The following ESRRG variants were observed in gnomAD, a reference collection of about 807,000 sequenced individuals.
The protein encoded by ESRRG is estrogen related receptor gamma.
In ESRRG, 13 loss-of-function variants were observed where a neutral mutation model predicts 44.0. That is an observed-to-expected ratio of 0.30 (90% confidence interval 0.19 to 0.47). The LOEUF (loss-of-function observed/expected upper bound fraction) is 0.47. ESRRG is among the 20% of genes least tolerant of loss of function. ESRRG has a pLI of 1.00. For missense variants in ESRRG, 395 were observed against 580.6 expected (o/e 0.68, Z 3.29); for synonymous variants, 215 against 214.6 (o/e 1.00, Z -0.02).
chr1:216,561,957 T>C (rs547651103), intron 5 of ESRRG, among the ~76,000 whole-genome samples: 1 of 152,314 alleles, frequency 6.6e-6, no homozygotes, highest in East Asian at 1.9e-4. Context: ...ATGGTGTTAC[T>C]CATAGTTATT....
intron 2 of ESRRG, among the ~76,000 whole-genome samples, chr1:216,754,141 G>T (rs1307490293): frequency 6.6e-6 from 1 of 151,954 alleles, no homozygotes; most frequent in Admixed American, 6.6e-5. Context: ...AAAAGAGATG[G>T]AGGAAAAACA....
chr1:216,913,294 T>C (rs1225578196), intron 2 of ESRRG, among the ~76,000 whole-genome samples: 1 of 151,752 alleles, frequency 6.6e-6, no homozygotes. Context: ...AGAGACGATT[T>C]AAAGTATATG....
chr1:216,862,396 TG>T (rs1351382037), intron 2 of ESRRG: 4 of 152,246 alleles, frequency 2.6e-5, no homozygotes, highest in African/African-American at 9.6e-5. Flanking sequence ...AGCTAATTTT[TG>T]TATTTTTAGT....
chr1:217,109,143 C>T (rs1035910019), intron 1 of ESRRG, among the ~76,000 whole-genome samples: 1 of 152,014 alleles, frequency 6.6e-6, no homozygotes, highest in Non-Finnish European at 1.5e-5. Flanking sequence ...TGTATGAGAG[C>T]AAAGTATCAG....
intron 1 of ESRRG, among the ~76,000 whole-genome samples, chr1:216,702,867 C>A (rs749922092): frequency 2.0e-5 from 3 of 150,672 alleles, no homozygotes; most frequent in Non-Finnish European, 3.0e-5. Flanking sequence ...TTCTAGTATT[C>A]TAGTCCTGTC....
chr1:216,810,625 G>A (rs1465372808), intron 2 of ESRRG, among the ~76,000 whole-genome samples: 1 of 146,814 alleles, frequency 6.8e-6, no homozygotes, highest in Non-Finnish European at 1.5e-5. Flanking sequence ...ATTCTATATG[G>A]TATATAGTTT....
At chr1:216,728,002 TAC>T, upstream of ESRRG, among the ~76,000 whole-genome samples, 1 of 152,266 alleles carries the variant, frequency 6.6e-6, no homozygotes, top group South Asian at 2.1e-4. Context: ...AAACTAATAA[TAC>T]ACATGGTGAA....
intron 1 of ESRRG, among the ~76,000 whole-genome samples, chr1:217,036,680 G>A (rs1292014526): frequency 1.3e-5 from 2 of 152,086 alleles, no homozygotes; most frequent in Non-Finnish European, 2.9e-5. Context: ...GAGGTTGGGA[G>A]GAGGAAAAGG....
intron 1 of ESRRG, among the ~76,000 whole-genome samples, chr1:216,691,362 G>A (rs1183537397): frequency 6.6e-6 from 1 of 152,072 alleles, no homozygotes; most frequent in Non-Finnish European, 1.5e-5. Context: ...CATTTCAAAA[G>A]AAATGTATAA....
chr1:216,753,599 C>T (rs2092242649), intron 2 of ESRRG, among the ~76,000 whole-genome samples: 1 of 152,048 alleles, frequency 6.6e-6, no homozygotes. Flanking sequence ...ATCAGAGGTG[C>T]ATTTGGGCTT....
intron 3 of ESRRG, among the ~76,000 whole-genome samples, chr1:216,579,110 T>G (rs2062233495): frequency 6.6e-6 from 1 of 152,188 alleles, no homozygotes; most frequent in South Asian, 2.1e-4. Flanking sequence ...TAGCATCTTT[T>G]GATCTCTTGT....
At chr1:216,798,001 G>A (rs892867837) in intron 2 of ESRRG, among the ~76,000 whole-genome samples, 4 of 151,986 alleles carry the variant, frequency 2.6e-5, no homozygotes, top group African/African-American at 7.2e-5. Context: ...CTCAATTTGT[G>A]CATTTTCCCA....
intron 2 of ESRRG, among the ~76,000 whole-genome samples, chr1:216,890,713 A>C (rs1234348577): frequency 6.6e-6 from 1 of 152,226 alleles, no homozygotes; most frequent in Non-Finnish European, 1.5e-5. Context: ...ACATGGATGC[A>C]TCAACCTGGG....
chr1:216,892,822 C>T (rs1163585016), intron 2 of ESRRG, among the ~76,000 whole-genome samples: 2 of 152,082 alleles, frequency 1.3e-5, no homozygotes, highest in African/African-American at 2.4e-5. Flanking sequence ...CTCCACCACC[C>T]GCCCTGCTTG....
intron 2 of ESRRG, among the ~76,000 whole-genome samples, chr1:216,886,180 T>A (rs1276853130): frequency 1.3e-5 from 2 of 152,192 alleles, no homozygotes; most frequent in East Asian, 3.9e-4. Flanking sequence ...CCTACCCTGC[T>A]GCAGCCAACC....
chr1:216,599,520 C>T (rs2058906311), intron 3 of ESRRG, among the ~76,000 whole-genome samples: 1 of 152,060 alleles, frequency 6.6e-6, no homozygotes, highest in Admixed American at 6.5e-5. Context: ...CCAAGTATTC[C>T]ATATTTTCAG....
chr1:216,876,838 C>T (rs1413308212), intron 2 of ESRRG, among the ~76,000 whole-genome samples: 1 of 152,122 alleles, frequency 6.6e-6, no homozygotes, highest in Non-Finnish European at 1.5e-5. Context: ...AATATGTACC[C>T]TGGTTAAATA....
chr1:216,708,693 A>C (rs2082936201), intron 1 of ESRRG, among the ~76,000 whole-genome samples: 1 of 152,194 alleles, frequency 6.6e-6, no homozygotes, highest in Admixed American at 6.5e-5. Context: ...ATACCATTTG[A>C]CCCAGCAATC....
intron 2 of ESRRG, among the ~76,000 whole-genome samples, chr1:216,919,752 T>G (rs369568262): frequency 6.6e-6 from 1 of 152,156 alleles, no homozygotes; most frequent in African/African-American, 2.4e-5. Context: ...GGGTGTTAAT[T>G]TGAATTTTAA....
Sources: allele counts gnomAD v4.1 joint callset (sites outside exome capture counted in the v4.1 genomes callset), GRCh38; gene constraint gnomAD v4.1.1; transcripts MANE v1.5; gene names NCBI Gene and HGNC (gene_info 2026-07-23, HGNC 2026-07-21).